Variants in TTC19 observed in about 807,000 individuals in gnomAD.
TTC19 encodes the protein tetratricopeptide repeat domain 19.
Under a neutral mutation model 49.5 loss-of-function variants are expected in TTC19, and 38 were observed. That is an observed-to-expected ratio of 0.77 (90% CI 0.59 to 1.01). The LOEUF (loss-of-function observed/expected upper bound fraction) is 1.01. TTC19 is among the 50% of genes least tolerant of loss of function. TTC19 has a pLI of 0.00. For synonymous variants in TTC19, 204 were observed against 185.2 expected (o/e 1.10, Z -0.83); for missense variants, 475 against 477.7 (o/e 0.99, Z 0.05).
downstream of TTC19, chr17:16,032,584 G>A (rs1972307587): frequency 1.7e-6 from 2 of 1,173,952 alleles, no homozygotes; most frequent in Non-Finnish European, 1.2e-6. Flanking sequence ...ATTGTAAAAT[G>A]GTCATGTGAC....
At chr17:16,000,457 T>G (rs960724070) in intron 2 of TTC19, 2 of 1,372,816 alleles carry the variant, frequency 1.5e-6, no homozygotes, top group Non-Finnish European at 1.9e-6. Flanking sequence ...ACCTCTGCAG[T>G]GTCAAGTGCA....
chr17:16,013,645 A>G (rs1360347775), intron 7 of TTC19, among the ~76,000 whole-genome samples: 1 of 152,118 alleles, frequency 6.6e-6, no homozygotes, highest in Admixed American at 6.6e-5. Flanking sequence ...ATTCTGATGT[A>G]TTTACCTGAT....
intron 7 of TTC19, among the ~76,000 whole-genome samples, chr17:16,017,999 T>C (rs566649215): frequency 3.9e-5 from 6 of 152,306 alleles, no homozygotes; most frequent in Admixed American, 2.6e-4. Context: ...AAAAAAAATT[T>C]TTTTCAGTTT....
intron 4 of TTC19, among the ~76,000 whole-genome samples, chr17:16,003,138 G>A (rs1004841717): frequency 1.3e-5 from 2 of 152,212 alleles, no homozygotes; most frequent in African/African-American, 4.8e-5. Flanking sequence ...TGGACTGTGA[G>A]CAGCTTCCTT....
chr17:16,036,484 A>C (rs1336129689), intron 2 of TTC19, among the ~76,000 whole-genome samples: 1 of 152,160 alleles, frequency 6.6e-6, no homozygotes, highest in African/African-American at 2.4e-5. Context: ...CTGTCTTTTG[A>C]AGTTTTGGAC....
chr17:16,002,869 G>C (rs1241373143), intron 4 of TTC19, 38 bp downstream of exon 4: 6 of 1,594,166 alleles, frequency 3.8e-6, no homozygotes, highest in Non-Finnish European at 5.2e-6. Context: ...AATTTATGAA[G>C]GAGTAGCTTC....
At chr17:16,014,459 G>A (rs1279698599) in intron 7 of TTC19, among the ~76,000 whole-genome samples, 1 of 152,200 alleles carries the variant, frequency 6.6e-6, no homozygotes, top group African/African-American at 2.4e-5. Context: ...TCATATAGAT[G>A]ACAGCTATTT....
At chr17:16,034,055 T>C (rs2151826155), downstream of TTC19, among the ~76,000 whole-genome samples, 1 of 152,346 alleles carries the variant, frequency 6.6e-6, no homozygotes, top group Admixed American at 6.5e-5. Flanking sequence ...AGTATTTCCC[T>C]AAGAACTTTT....
intron 2 of TTC19, chr17:16,040,872 C>T (rs955623846): frequency 5.3e-6 from 1 of 190,170 alleles, no homozygotes; most frequent in Non-Finnish European, 1.1e-5. Flanking sequence ...ATCTGTTTAC[C>T]AAAAATAAAT....
intron 7 of TTC19, among the ~76,000 whole-genome samples, chr17:16,019,281 C>T (rs887671344): frequency 1.3e-5 from 2 of 152,086 alleles, no homozygotes; most frequent in Non-Finnish European, 1.5e-5. Context: ...TGCAGTGAGC[C>T]GAGATCGTGC....
At chr17:16,019,667 T>C (rs1170374988) in intron 7 of TTC19, among the ~76,000 whole-genome samples, 1 of 152,216 alleles carries the variant, frequency 6.6e-6, no homozygotes, top group Non-Finnish European at 1.5e-5. Context: ...AACCATGGTA[T>C]AGTAGTCCAT....
Position 16,016,646 on chromosome 17 carries a change from C to T in TTC19, c.677-8371C>T, listed in dbSNP as rs12603744. On this transcript the variant is annotated intron_variant, in intron 7 of 9. Transcript: ENST00000261647. ...GATCTCGGCTCACTGCAACCTCCACCTCCCGGGTTCAAGTGATTCTTGCAC... is the reference window on the plus strand; with the variant it reads ...GATCTCGGCTCACTGCAACCTCCACTTCCCGGGTTCAAGTGATTCTTGCAC... Among the ~76,000 whole-genome samples the T allele has an allele frequency of 9.5e-3, 1,433 of 151,272 alleles. 38 individuals are homozygous for T. In the South Asian group the frequency reaches 0.098, roughly 10 times the overall value.
intron 9 of TTC19, 97 bp from the exon 10 acceptor site, chr17:16,027,277 T>C (rs1971593303): frequency 1.4e-6 from 2 of 1,432,496 alleles, no homozygotes; most frequent in South Asian, 2.4e-5. Flanking sequence ...AAGCACACAG[T>C]AAATTAGCCC....
chr17:16,010,011 T>C (rs990812841), intron 7 of TTC19, among the ~76,000 whole-genome samples: 7 of 152,104 alleles, frequency 4.6e-5, no homozygotes, highest in Non-Finnish European at 1.0e-4. Flanking sequence ...GAGTATTCTA[T>C]AATTTTGTAC....
intron 7 of TTC19, among the ~76,000 whole-genome samples, chr17:16,012,331 T>C (rs1223773247): frequency 3.3e-5 from 5 of 151,940 alleles, no homozygotes; most frequent in Admixed American, 1.3e-4. Context: ...TTTACAAAAA[T>C]TATCTGGGCA....
chr17:16,030,996 A>G, downstream of TTC19: 1 of 196,772 alleles, frequency 5.1e-6, no homozygotes. Flanking sequence ...TATCTATGTT[A>G]TAGAAAGATA....
At chr17:16,030,848 G>A, downstream of TTC19, 1 of 186,948 alleles carries the variant, frequency 5.3e-6, no homozygotes, top group Non-Finnish European at 1.1e-5. Context: ...TCACAGAGCT[G>A]CTTCCTTAAA....
At chr17:16,025,617 T>C (rs901971435) in intron 8 of TTC19, among the ~76,000 whole-genome samples, 1 of 152,212 alleles carries the variant, frequency 6.6e-6, no homozygotes, top group African/African-American at 2.4e-5. Context: ...ACTTAAACCA[T>C]TGGCATATTA....
chr17:16,027,290 T>C, intron 9 of TTC19, 84 bp from the exon 10 acceptor site: 1 of 1,516,916 alleles, frequency 6.6e-7, no homozygotes, highest in Non-Finnish European at 9.1e-7. Flanking sequence ...ATTAGCCCTA[T>C]ATCTGCATTC....
Sources: gnomAD v4.1 joint callset for allele counts (sites outside exome capture counted in the v4.1 genomes callset) on GRCh38, gnomAD v4.1.1 for gene constraint, MANE v1.5 for transcripts, NCBI Gene and HGNC (gene_info 2026-07-23, HGNC 2026-07-21) for gene names.